Variants in DSCAM observed in about 807,000 individuals in gnomAD.
DSCAM encodes cell adhesion molecule DSCAM.
DSCAM carries 47 observed loss-of-function variants against 217.7 expected under a neutral mutation model. The observed-to-expected ratio is 0.22, with a 90% CI of 0.17 to 0.28. The LOEUF (loss-of-function observed/expected upper bound fraction) is 0.28, where lower values mean the gene tolerates loss of function less well. DSCAM is among the 10% of genes least tolerant of loss of function. DSCAM has a pLI of 1.00. For missense variants in DSCAM, 2,080 were observed against 2,618.3 expected, an observed-to-expected ratio of 0.79 and a Z score of 4.49; for synonymous variants, 1,056 against 1,015.3, an observed-to-expected ratio of 1.04 and a Z score of -0.76.
chr21:40,177,570 A>G (rs934908357), intron 15 of DSCAM, among the ~76,000 whole-genome samples: 3 of 152,224 alleles, frequency 2.0e-5, no homozygotes, highest in African/African-American at 7.2e-5. Flanking sequence ...AAAATGTTGC[A>G]TTTGATTGAT....
chr21:40,479,553 T>C (rs1368574645), intron 3 of DSCAM, among the ~76,000 whole-genome samples: 3 of 152,176 alleles, frequency 2.0e-5, no homozygotes, highest in Non-Finnish European at 4.4e-5. Flanking sequence ...AGCAAAGGCA[T>C]GTCTTACATG....
At chr21:40,084,576 T>C (rs2089507066) in intron 23 of DSCAM, among the ~76,000 whole-genome samples, 1 of 146,130 alleles carries the variant, frequency 6.8e-6, no homozygotes, top group Non-Finnish European at 1.5e-5. Context: ...AAGCAGGCCT[T>C]TGAACTGCAG....
intron 17 of DSCAM, among the ~76,000 whole-genome samples, chr21:40,143,256 A>C (rs529634020): frequency 6.6e-6 from 1 of 152,372 alleles, no homozygotes; most frequent in South Asian, 2.1e-4. Context: ...GAATATTGAA[A>C]ATATTTTTAG....
chr21:40,280,757 T>C (rs2073750323), intron 10 of DSCAM, among the ~76,000 whole-genome samples: 1 of 152,238 alleles, frequency 6.6e-6, no homozygotes. Flanking sequence ...GCACCTGTAC[T>C]GTGACAAATA....
chr21:40,718,775 G>T (rs900285737), intron 1 of DSCAM, among the ~76,000 whole-genome samples: 7 of 152,142 alleles, frequency 4.6e-5, no homozygotes, highest in Non-Finnish European at 8.8e-5. Flanking sequence ...CAAAAGATTT[G>T]TACCCAAAAT....
At chr21:40,451,075 C>A (rs937735122) in intron 3 of DSCAM, among the ~76,000 whole-genome samples, 1 of 152,110 alleles carries the variant, frequency 6.6e-6, no homozygotes, top group Admixed American at 6.6e-5. Flanking sequence ...GAGTTGGGGG[C>A]AGGAAGGCCA....
chr21:40,124,220 A>G lies in DSCAM; in HGVS notation c.3671T>C (p.Val1224Ala), dbSNP rs1192799897. The change falls in exon 20 of 33, where the codon GTA becomes GCA. Residue 1224 changes from valine (V) to alanine (A), a missense_variant. Physicochemically the swap from Val to Ala is moderately conservative, Grantham distance 64. This residue lies in a region of DSCAM where 1,144 missense variants were observed against 1,421.1 expected (regional missense o/e 0.81). Coordinates refer to ENST00000400454, the MANE Select transcript of DSCAM (RefSeq NM_001389.5). ...TGTGGGATAGGGGTGGGAGCAGAATACAGTGTACTTTCGGATGATGCCGTT... is the reference window on the plus strand; with the variant it reads ...TGTGGGATAGGGGTGGGAGCAGAATGCAGTGTACTTTCGGATGATGCCGTT... Reference protein sequence around the residue: ...KLNGIIRKYTVFCSHPYPTVI... With the variant: ...KLNGIIRKYTAFCSHPYPTVI... 6.2e-7 allele frequency: 1 copy of G among 1,614,016 alleles called. No homozygotes were observed. The highest frequency in any genetic ancestry group is 8.5e-7 in the Non-Finnish European group (1 of 1,180,018).
At chr21:40,515,602 T>G (rs997905053) in intron 3 of DSCAM, among the ~76,000 whole-genome samples, 9 of 152,178 alleles carry the variant, frequency 5.9e-5, no homozygotes, top group African/African-American at 2.2e-4. Context: ...AGGAGTGTTG[T>G]AAAACTCCAA....
At chr21:40,457,246 T>C (rs764476763) in intron 3 of DSCAM, among the ~76,000 whole-genome samples, 7 of 152,188 alleles carry the variant, frequency 4.6e-5, no homozygotes, top group Admixed American at 1.3e-4. Context: ...GCATGGTAGC[T>C]CACACCTGTA....
intron 3 of DSCAM, among the ~76,000 whole-genome samples, chr21:40,373,159 C>T (rs1315581682): frequency 6.6e-6 from 1 of 152,124 alleles, no homozygotes; most frequent in African/African-American, 2.4e-5. Context: ...ATTAAAATAG[C>T]AGCAGTTCTA....
chr21:40,709,181 A>T (rs1241844134), intron 1 of DSCAM, among the ~76,000 whole-genome samples: 1 of 152,156 alleles, frequency 6.6e-6, no homozygotes, highest in African/African-American at 2.4e-5. Context: ...TGGAGCATAG[A>T]GCCCAGCTCT....
chr21:40,753,471 A>T (rs1452459676), intron 1 of DSCAM, among the ~76,000 whole-genome samples: 2 of 152,256 alleles, frequency 1.3e-5, no homozygotes, highest in African/African-American at 4.8e-5. Context: ...ATGAAGCAAC[A>T]CATTTATACA....
intron 1 of DSCAM, among the ~76,000 whole-genome samples, chr21:40,800,904 C>T (rs186967261): frequency 2.0e-5 from 3 of 150,868 alleles, no homozygotes; most frequent in Middle Eastern, 3.4e-3. Flanking sequence ...TTAATGGAGA[C>T]GGGGTTTCAC....
At chr21:40,318,453 G>A (rs1245385478) in intron 8 of DSCAM, among the ~76,000 whole-genome samples, 3 of 152,134 alleles carry the variant, frequency 2.0e-5, no homozygotes, top group African/African-American at 4.8e-5. Context: ...TATTAGCCTA[G>A]GGGCCGAGGA....
intron 29 of DSCAM, among the ~76,000 whole-genome samples, chr21:40,054,562 C>CTG (rs1307902314): frequency 6.6e-6 from 1 of 152,208 alleles, no homozygotes; most frequent in Non-Finnish European, 1.5e-5. Context: ...TTTATCCAGA[C>CTG]CACAAGAAAG....
chr21:40,240,349 GTTTTTTTT>G (rs749073872), intron 11 of DSCAM, among the ~76,000 whole-genome samples: 2,363 of 57,852 alleles, frequency 0.041, 39 homozygotes, highest in Non-Finnish European at 0.055. Context: ...TTCCTCACTG[GTTTTTTTT>G]TTTTTTTTTT....
chr21:40,342,646 A>ATTTTT (rs1452290469), intron 6 of DSCAM, among the ~76,000 whole-genome samples: 8 of 83,608 alleles, frequency 9.6e-5, no homozygotes, highest in South Asian at 4.7e-4. Context: ...ATATATATAT[A>ATTTTT]TATTTTTTTT....
At chr21:40,534,017 A>G (rs1228717843) in intron 3 of DSCAM, among the ~76,000 whole-genome samples, 1 of 152,198 alleles carries the variant, frequency 6.6e-6, no homozygotes, top group Non-Finnish European at 1.5e-5. Context: ...TACTTGATAA[A>G]TCTGCATCTA....
intron 1 of DSCAM, among the ~76,000 whole-genome samples, chr21:40,821,858 T>C (rs958866036): frequency 7.2e-5 from 11 of 151,804 alleles, no homozygotes; most frequent in African/African-American, 1.5e-4. Context: ...CTGGGGCCTA[T>C]TGAAGGGTGG....
Sources: allele counts gnomAD v4.1 joint callset (sites outside exome capture counted in the v4.1 genomes callset), GRCh38; gene constraint gnomAD v4.1.1; regional missense constraint gnomAD v4.1.1; transcripts MANE v1.5; gene names NCBI Gene and HGNC (gene_info 2026-07-23, HGNC 2026-07-21).